PCDH7: variants seen among roughly 807,000 people sequenced by gnomAD.
PCDH7 encodes protocadherin-7.
PCDH7 carries 17 observed loss-of-function variants against 58.9 expected under a neutral mutation model. That is an observed-to-expected ratio of 0.29 (90% CI 0.20 to 0.43). The LOEUF is 0.43. Among genes scored for constraint, PCDH7 ranks in the 20% least tolerant of loss-of-function variants. The pLI is 1.00. For synonymous variants in PCDH7, 664 were observed against 616.4 expected (o/e 1.08, Z -1.14); for missense variants, 1,274 against 1,441.0 (o/e 0.88, Z 1.88).
At chr4:31,026,509 T>C (rs1314775061) in intron 3 of PCDH7, among the ~76,000 whole-genome samples, 1 of 152,214 alleles carries the variant, frequency 6.6e-6, no homozygotes, top group Non-Finnish European at 1.5e-5. Context: ...GATAAATTTG[T>C]ATGCAGATAT....
chr4:30,872,373 A>G (rs902178282), intron 1 of PCDH7, among the ~76,000 whole-genome samples: 1 of 152,076 alleles, frequency 6.6e-6, no homozygotes, highest in African/African-American at 2.4e-5. Context: ...TACAGCATGA[A>G]AGCAGTCATA....
At chr4:31,076,025 A>G (rs1315657194) in intron 3 of PCDH7, among the ~76,000 whole-genome samples, 1 of 152,194 alleles carries the variant, frequency 6.6e-6, no homozygotes, top group Non-Finnish European at 1.5e-5. Context: ...TATCTCTAAA[A>G]TATCCTTGGG....
chr4:30,902,016 T>C (rs1740283707), intron 1 of PCDH7, among the ~76,000 whole-genome samples: 1 of 152,172 alleles, frequency 6.6e-6, no homozygotes, highest in South Asian at 2.1e-4. Context: ...GCAAGTTTCC[T>C]CCACGGGCAT....
At chr4:30,949,146 C>G (rs908633628) in intron 2 of PCDH7, among the ~76,000 whole-genome samples, 2 of 152,114 alleles carry the variant, frequency 1.3e-5, no homozygotes, top group African/African-American at 4.8e-5. Flanking sequence ...AATTAATTCT[C>G]TCCTATATTT....
chr4:30,812,678 T>C (rs1341628521), intron 1 of PCDH7, among the ~76,000 whole-genome samples: 1 of 152,182 alleles, frequency 6.6e-6, no homozygotes, highest in East Asian at 1.9e-4. Flanking sequence ...GGGTAGGTTC[T>C]CTTGGTATTT....
At chr4:30,784,324 C>T (rs1723142650) in intron 1 of PCDH7, among the ~76,000 whole-genome samples, 1 of 152,110 alleles carries the variant, frequency 6.6e-6, no homozygotes, top group Non-Finnish European at 1.5e-5. Context: ...GAGAAAAGTA[C>T]CTATTTCTTT....
chr4:30,944,745 T>A (rs1198742498), intron 2 of PCDH7, among the ~76,000 whole-genome samples: 1 of 152,180 alleles, frequency 6.6e-6, no homozygotes, highest in East Asian at 1.9e-4. Flanking sequence ...AAACTTAGAA[T>A]ATTCATTATG....
chr4:30,970,003 C>T (rs1406180095), intron 3 of PCDH7, among the ~76,000 whole-genome samples: 7 of 152,170 alleles, frequency 4.6e-5, no homozygotes, highest in African/African-American at 1.7e-4. Context: ...CAAGACTTAA[C>T]AATCTGATTG....
intron 2 of PCDH7, among the ~76,000 whole-genome samples, chr4:30,948,500 T>G (rs1746986241): frequency 6.6e-6 from 1 of 152,136 alleles, no homozygotes. Context: ...TTTACTGAAA[T>G]GCAGAGGTTT....
intron 1 of PCDH7, among the ~76,000 whole-genome samples, chr4:30,791,164 T>A (rs909660618): frequency 6.6e-6 from 1 of 152,044 alleles, no homozygotes; most frequent in Non-Finnish European, 1.5e-5. Context: ...CACAGCCTAA[T>A]GGGGTCACAG....
At chr4:31,023,525 A>T (rs533107212) in intron 3 of PCDH7, among the ~76,000 whole-genome samples, 12 of 152,316 alleles carry the variant, frequency 7.9e-5, no homozygotes, top group African/African-American at 2.9e-4. Context: ...AGTAAAACTG[A>T]GGAGAATTCC....
At chr4:30,791,972 G>A (rs1724174601) in intron 1 of PCDH7, among the ~76,000 whole-genome samples, 1 of 152,144 alleles carries the variant, frequency 6.6e-6, no homozygotes, top group African/African-American at 2.4e-5. Context: ...TTCACAAATA[G>A]TTGTTACTTT....
At chr4:31,052,096 A>G (rs755902123) in intron 3 of PCDH7, among the ~76,000 whole-genome samples, 4 of 152,118 alleles carry the variant, frequency 2.6e-5, no homozygotes, top group Non-Finnish European at 5.9e-5. Flanking sequence ...TTGTTACTAT[A>G]TATAATGTCC....
chr4:30,931,502 G>C (rs1169420097), intron 2 of PCDH7, among the ~76,000 whole-genome samples: 1 of 152,030 alleles, frequency 6.6e-6, no homozygotes, highest in Non-Finnish European at 1.5e-5. Context: ...TTGAACCCGG[G>C]AGGTGGAGGT....
At chr4:31,074,051 C>A (rs1244131143) in intron 3 of PCDH7, among the ~76,000 whole-genome samples, 1 of 151,884 alleles carries the variant, frequency 6.6e-6, no homozygotes, top group Non-Finnish European at 1.5e-5. Flanking sequence ...TGCTCGTCTT[C>A]CCCAAGATTC....
intron 1 of PCDH7, among the ~76,000 whole-genome samples, chr4:30,866,954 T>C (rs1437238742): frequency 6.6e-6 from 1 of 152,138 alleles, no homozygotes; most frequent in African/African-American, 2.4e-5. Flanking sequence ...TGGACTTTGG[T>C]TGGGGTAACA....
chr4:30,822,933 G>A (rs978448916), intron 1 of PCDH7, among the ~76,000 whole-genome samples: 4 of 152,002 alleles, frequency 2.6e-5, no homozygotes, highest in East Asian at 1.9e-4. Flanking sequence ...AGCGTTTTGC[G>A]TTTTATATGT....
intron 3 of PCDH7, among the ~76,000 whole-genome samples, chr4:30,990,206 AG>A (rs1181037393): frequency 5.9e-5 from 9 of 151,950 alleles, no homozygotes; most frequent in African/African-American, 1.9e-4. Context: ...GTGCCTAAAG[AG>A]GAAAAAAAAA....
intron 3 of PCDH7, among the ~76,000 whole-genome samples, chr4:31,042,772 T>A (rs908153847): frequency 1.3e-5 from 2 of 152,184 alleles, no homozygotes; most frequent in African/African-American, 4.8e-5. Context: ...ATAATGTGCA[T>A]AAAGGAATTA....
Sources: gnomAD v4.1 joint callset for allele counts (sites outside exome capture counted in the v4.1 genomes callset) on GRCh38, gnomAD v4.1.1 for gene constraint, MANE v1.5 for transcripts, NCBI Gene and HGNC (gene_info 2026-07-23, HGNC 2026-07-21) for gene names.